Variants in RMDN2 observed in about 807,000 individuals in gnomAD.
The protein encoded by RMDN2 is regulator of microtubule dynamics 2.
In RMDN2, 61 loss-of-function variants were observed where a neutral mutation model predicts 52.8. That is an observed-to-expected ratio of 1.16 (90% CI 0.94 to 1.43). The LOEUF (loss-of-function observed/expected upper bound fraction) is 1.43. Ranked by LOEUF, RMDN2 falls within the 40% of genes most tolerant of loss-of-function variation. RMDN2 has a pLI of 0.00. For missense variants in RMDN2, 592 were observed against 475.3 expected, an observed-to-expected ratio of 1.25 and a Z score of -2.28; for synonymous variants, 180 against 153.1, an observed-to-expected ratio of 1.18 and a Z score of -1.30.
At position 38,000,874 on chromosome 2, in the gene RMDN2, G is replaced by C. The variant is rs928301505; in HGVS notation, c.1045-3117G>C. Among the ~76,000 whole-genome samples, 7 of 152,322 alleles carry C rather than the reference G, an allele frequency of 4.6e-5. No individual in the cohort carries two copies. The South Asian group carries it at 1.5e-3, about 32-fold the overall frequency. ...AAGAACCTAGGGGTGGAATTGTTGT[G>C]TCATATGGTATGTGCTTTTAAACGT... is the stretch of plus-strand genomic sequence containing the variant. On this transcript the variant is annotated intron_variant, in intron 8 of 10. Transcript: ENST00000354545.
chr2:38,033,486 G>C (rs1165619314), intron 10 of RMDN2, among the ~76,000 whole-genome samples: 1 of 152,172 alleles, frequency 6.6e-6, no homozygotes, highest in Non-Finnish European at 1.5e-5. Context: ...AACTCCTAGT[G>C]ATACAATCCC....
In RMDN2 at chr2:38,063,739, G is replaced by A. The variant is rs531270041; in HGVS notation, c.1714-3243G>A. Among the ~76,000 whole-genome samples the A allele has an allele frequency of 4.9e-4, 74 of 152,184 alleles. 1 individual carries two copies. Among genetic ancestry groups the A allele is most frequent in the South Asian group, 2.9e-3 (14 of 4,812 alleles). On this transcript the variant is annotated intron_variant, in intron 10 of 10. Transcript: ENST00000234195. ...CAAACAACCCCATCAAAAAGTGGGC[G>A]AAGGATATGAACAGACACTTCTCAT...
At chr2:37,949,294 T>C (rs1302423597) in intron 2 of RMDN2, among the ~76,000 whole-genome samples, 1 of 152,158 alleles carries the variant, frequency 6.6e-6, no homozygotes, top group African/African-American at 2.4e-5. Flanking sequence ...CTGTTTCCCT[T>C]CAGGACCAAG....
intron 7 of RMDN2, among the ~76,000 whole-genome samples, chr2:37,992,822 C>T (rs116434628): frequency 1.5e-3 from 222 of 152,290 alleles, no homozygotes; most frequent in Non-Finnish European, 3.0e-3. Context: ...TTTTCAAAAA[C>T]CCTATAAGGT....
intron 2 of RMDN2, among the ~76,000 whole-genome samples, chr2:37,967,440 T>A (rs1007757466): frequency 6.6e-6 from 1 of 152,058 alleles, no homozygotes; most frequent in Non-Finnish European, 1.5e-5. Flanking sequence ...CAAAGTACAA[T>A]CAAAGCAATG....
At chr2:38,022,639 A>G (rs911395155), downstream of RMDN2, among the ~76,000 whole-genome samples, 1 of 152,216 alleles carries the variant, frequency 6.6e-6, no homozygotes, top group Non-Finnish European at 1.5e-5. Flanking sequence ...TTAGTGGTCC[A>G]CGGAAATTTT....
chr2:37,949,862 T>G (rs1014432003), intron 2 of RMDN2: 1 of 153,550 alleles, frequency 6.5e-6, no homozygotes, highest in African/African-American at 2.4e-5. Flanking sequence ...GGACAGTGTT[T>G]CTTTTCTAAT....
At chr2:37,976,198 T>G (rs1017085751) in intron 4 of RMDN2, 1 of 152,196 alleles carries the variant, frequency 6.6e-6, no homozygotes, top group Non-Finnish European at 1.5e-5. Flanking sequence ...CATCTATACT[T>G]TTCTACAAGT....
intron 2 of RMDN2, among the ~76,000 whole-genome samples, chr2:37,932,208 G>A (rs1004633353): frequency 7.4e-5 from 11 of 149,362 alleles, no homozygotes; most frequent in Admixed American, 3.3e-4. Flanking sequence ...AGGACCCTGC[G>A]GCCTTCCGCA....
chr2:38,000,801 A>G (rs974373772), intron 8 of RMDN2, among the ~76,000 whole-genome samples: 18 of 152,264 alleles, frequency 1.2e-4, no homozygotes, highest in African/African-American at 4.1e-4. Context: ...AGCTTCTGTG[A>G]ACATTCAAAT....
chr2:38,034,901 T>C (rs1245578082), intron 10 of RMDN2, among the ~76,000 whole-genome samples: 1 of 152,074 alleles, frequency 6.6e-6, no homozygotes, highest in Non-Finnish European at 1.5e-5. Flanking sequence ...TCATGCCTAC[T>C]AACAAAGTAT....
Position 38,058,333 on chromosome 2 carries a change from T to C in RMDN2, c.1714-8649T>C, listed in dbSNP as rs79854354. Among the ~76,000 whole-genome samples the C allele has an allele frequency of 9.5e-3, 1,440 of 152,324 alleles. 11 individuals carry two copies. The highest frequency in any genetic ancestry group is 0.013 in the Non-Finnish European group (904 of 68,028). On this transcript the variant is annotated intron_variant, in intron 10 of 10. Coordinates refer to the RMDN2 transcript ENST00000234195. ...CTCATCATCCATTGACATAGCTCTT[T>C]AGGTCAAGCCTTCAAGCTTTGCCCT...
At chr2:37,976,766 T>C (rs1384585838) in intron 4 of RMDN2, among the ~76,000 whole-genome samples, 1 of 152,200 alleles carries the variant, frequency 6.6e-6, no homozygotes, top group Non-Finnish European at 1.5e-5. Context: ...TTTATTTTCA[T>C]ATCTACTGAG....
At chr2:37,998,893 CTG>C (rs552963589) in intron 8 of RMDN2, among the ~76,000 whole-genome samples, 50 of 152,280 alleles carry the variant, frequency 3.3e-4, no homozygotes, top group African/African-American at 1.2e-3. Flanking sequence ...AAGGCTAAGA[CTG>C]TATCACTCCC....
Position 37,949,624 on chromosome 2 carries a change from T to C in RMDN2, c.452+19895T>C, listed in dbSNP as rs151321093. The stretch of plus-strand genomic sequence containing the variant: ...TCAAATTACAAATCCGACCATTGTA[T>C]GGTGAACGTTAGAGAGCTTTGGGTC... On this transcript the variant is annotated intron_variant, in intron 2 of 10. Transcript: ENST00000354545. Among the ~76,000 whole-genome samples, 413 of 152,274 alleles carry C rather than the reference T, an allele frequency of 2.7e-3. 2 individuals are homozygous for C. The highest frequency in any genetic ancestry group is 0.01 in the Middle Eastern group (3 of 294).
At chr2:37,925,823 T>G (rs1391052912) in intron 1 of RMDN2, among the ~76,000 whole-genome samples, 9 of 152,246 alleles carry the variant, frequency 5.9e-5, no homozygotes, top group Non-Finnish European at 1.3e-4. Flanking sequence ...GCGCAAACAT[T>G]TTGTTTTTGT....
chr2:37,985,193 C>A (rs1673838199), intron 5 of RMDN2, among the ~76,000 whole-genome samples: 1 of 151,890 alleles, frequency 6.6e-6, no homozygotes, highest in African/African-American at 2.4e-5. Context: ...CTAGAGATAT[C>A]CATAAGTAGT....
intron 10 of RMDN2, among the ~76,000 whole-genome samples, chr2:38,047,726 CTTTAAAATAAAA>C (rs1484537646): frequency 6.6e-6 from 1 of 152,166 alleles, no homozygotes; most frequent in Non-Finnish European, 1.5e-5. Flanking sequence ...ATATTTTAAA[CTTTAAAATAAAA>C]AAACCTCTCC....
At chr2:37,935,336 T>C (rs559594201) in intron 2 of RMDN2, among the ~76,000 whole-genome samples, 43 of 152,326 alleles carry the variant, frequency 2.8e-4, no homozygotes, top group African/African-American at 1.0e-3. Context: ...GCCAAAAATA[T>C]AGACAGTGCT....
Sources: gnomAD v4.1 joint callset for allele counts (sites outside exome capture counted in the v4.1 genomes callset) on GRCh38, gnomAD v4.1.1 for gene constraint, MANE v1.5 for transcripts, NCBI Gene and HGNC (gene_info 2026-07-23, HGNC 2026-07-21) for gene names.